Variants in EMILIN2 observed in about 807,000 individuals in gnomAD.
The protein encoded by EMILIN2 is EMILIN-2.
EMILIN2 carries 71 observed loss-of-function variants against 87.1 expected under a neutral mutation model. That is an observed-to-expected ratio of 0.82 (90% confidence interval 0.67 to 0.99). The LOEUF is 0.99. EMILIN2 is among the 50% of genes least tolerant of loss of function. The pLI, the probability that EMILIN2 is intolerant of heterozygous loss-of-function variation, is 0.00. For missense variants in EMILIN2, 1,407 were observed against 1,371.8 expected (o/e 1.03, Z -0.40); for synonymous variants, 581 against 563.4 (o/e 1.03, Z -0.44).
Position 2,891,518 on chromosome 18 carries a change from C to T in EMILIN2, c.1391C>T (p.Ala464Val). 1 of 1,614,180 alleles carries T rather than the reference C, an allele frequency of 6.2e-7. No individual in the cohort carries two copies. Among genetic ancestry groups the T allele is most frequent in the South Asian group, 1.1e-5 (1 of 91,086 alleles). ...DARINVTEKN[A>V]EEHCFYIEET... ...AGGATCAATGTGACGGAGAAGAACG[C>T]TGAAGAACATTGCTTTTACATTGAG... The change falls in exon 4 of 8, where the codon GCT becomes GTT. Residue 464 changes from alanine to valine, a missense_variant. Transcript: ENST00000254528. The surrounding 1 kb of genome is among the most constrained non-coding windows in gnomAD (Gnocchi z 4.6).
In EMILIN2 at chr18:2,847,952, G is replaced by C; in HGVS notation, c.257+21G>C. 1 of 1,597,742 alleles carries C rather than the reference G, an allele frequency of 6.3e-7. No homozygotes were observed. The highest frequency in any genetic ancestry group is 8.5e-7 in the Non-Finnish European group (1 of 1,175,012). On this transcript the variant is annotated intron_variant, in intron 2 of 7. Coordinates refer to ENST00000254528, the MANE Select transcript of EMILIN2 (RefSeq NM_032048.3). This position sits in a 1 kb window ranked among gnomAD's most constrained non-coding sequence, Gnocchi z 4.5. ...CTGGTGTAAGTCCTGGAGCCGGGGA[G>C]CGGGCGGGGCGCGCCCGGGCCGGGG...
chr18:2,901,749 C>G (rs571537824), intron 4 of EMILIN2, among the ~76,000 whole-genome samples: 7 of 152,374 alleles, frequency 4.6e-5, no homozygotes, highest in Admixed American at 2.0e-4. Context: ...GGAGAGGTCT[C>G]TTTCCAGAAT....
rs2076840403 is a variant in EMILIN2 at position 2,892,019 on chromosome 18, A to AT, written c.1894dup (p.Cys632LeufsTer2). On this transcript the variant is annotated frameshift_variant, in exon 4 of 8. Transcript: ENST00000254528. LOFTEE classifies it high-confidence loss of function. ...ACTCATCTTCAAAAGGAAATGAGCA[A>AT]TTGTAGAGCAGGTGAAAACGCTGGC... is the stretch of plus-strand genomic sequence containing the variant. 1 of 1,614,242 alleles carries AT rather than the reference A, an allele frequency of 6.2e-7. No homozygotes were observed. The highest frequency in any genetic ancestry group is 8.5e-7 in the Non-Finnish European group (1 of 1,180,044).
chr18:2,881,886 A>AG (rs756825472), intron 2 of EMILIN2, among the ~76,000 whole-genome samples: 1 of 152,232 alleles, frequency 6.6e-6, no homozygotes, highest in Non-Finnish European at 1.5e-5. Context: ...GTGGGGACCG[A>AG]GGGCTGGTGT....
intron 4 of EMILIN2, chr18:2,906,143 C>G (rs1450073186): frequency 6.6e-6 from 1 of 152,182 alleles, no homozygotes; most frequent in African/African-American, 2.4e-5. Context: ...GGAGGGGCTT[C>G]CTGGAGGGCT....
At chr18:2,900,126 T>C (rs879465167) in intron 4 of EMILIN2, among the ~76,000 whole-genome samples, 19 of 13,856 alleles carry the variant, frequency 1.4e-3, no homozygotes, top group Non-Finnish European at 5.4e-3. Context: ...TCTTATAAGC[T>C]TGAGGGTTTT....
chr18:2,853,677 G>A (rs999956251), intron 2 of EMILIN2, among the ~76,000 whole-genome samples: 2 of 152,178 alleles, frequency 1.3e-5, no homozygotes, highest in Non-Finnish European at 2.9e-5. Flanking sequence ...TTCAAACCCA[G>A]GCCTGTTATT....
intron 3 of EMILIN2, among the ~76,000 whole-genome samples, chr18:2,888,077 C>G (rs1228408630): frequency 6.6e-6 from 1 of 152,234 alleles, no homozygotes; most frequent in Non-Finnish European, 1.5e-5. Context: ...ACACCATCCT[C>G]TACTGTTGGT....
At chr18:2,912,918 A>G (rs550601947) in intron 7 of EMILIN2, 149 bp from the exon 8 acceptor site, 4 of 792,086 alleles carry the variant, frequency 5.0e-6, no homozygotes, top group Non-Finnish European at 7.9e-6. Flanking sequence ...ATGAGCATAA[A>G]AAGCAGCTGA....
chr18:2,855,571 C>G (rs1001040642), intron 2 of EMILIN2, among the ~76,000 whole-genome samples: 1 of 152,148 alleles, frequency 6.6e-6, no homozygotes, highest in Admixed American at 6.5e-5. Flanking sequence ...GAGTTAAAAT[C>G]CTGAGGTAGC....
At chr18:2,905,925 G>T (rs1442014612) in intron 4 of EMILIN2, among the ~76,000 whole-genome samples, 1 of 152,038 alleles carries the variant, frequency 6.6e-6, no homozygotes, top group Non-Finnish European at 1.5e-5. Flanking sequence ...CGCCCGGCCC[G>T]CTTAGGGAGT....
chr18:2,857,435 C>T (rs556324860), intron 2 of EMILIN2, among the ~76,000 whole-genome samples: 2 of 152,270 alleles, frequency 1.3e-5, no homozygotes, highest in East Asian at 3.9e-4. Flanking sequence ...CCTACATCTG[C>T]TTGACAGGGA....
Position 2,868,527 on chromosome 18 carries a change from G to C in EMILIN2, c.258-16437G>C, listed in dbSNP as rs533430508. Among the ~76,000 whole-genome samples the C allele has an allele frequency of 9.6e-4, 146 of 152,376 alleles. No individual in the cohort carries two copies. In the Middle Eastern group the frequency reaches 0.017, roughly 18 times the overall value. On this transcript the variant is annotated intron_variant, in intron 2 of 7. Coordinates refer to ENST00000254528, the MANE Select transcript of EMILIN2 (RefSeq NM_032048.3). ...CACCATTGAGCACTGAGTGAACGAGGCTCCCTCTGCAATCCCGGCACCTCG... is the reference window on the plus strand; with the variant it reads ...CACCATTGAGCACTGAGTGAACGAGCCTCCCTCTGCAATCCCGGCACCTCG...
rs1177287665 is a variant in EMILIN2, at chr18:2,890,631, G to A, written c.504G>A (p.Trp168Ter). Reference protein sequence around the residue: ...LSPTGTAQPSWGVDPKEGPQE... With the variant: ...LSPTGTAQPS ...CAACTGGTACAGCACAACCAAGCTG[G>A]GGGGTAGATCCAAAAGAGGGGCCTC... Residue 168 changes from tryptophan (W) to a stop codon, truncating the protein, a stop_gained, in exon 4 of 8, where the codon TGG (tryptophan) becomes TGA (stop). Coordinates refer to ENST00000254528, the MANE Select transcript of EMILIN2 (RefSeq NM_032048.3). LOFTEE classifies it high-confidence loss of function. This position sits in a 1 kb window ranked among gnomAD's most constrained non-coding sequence, Gnocchi z 4.7. 1.9e-6 allele frequency: 3 copies of A among 1,613,694 alleles called. No individual in the cohort carries two copies. The highest frequency in any genetic ancestry group is 8.5e-7 in the Non-Finnish European group (1 of 1,179,628).
intron 4 of EMILIN2, among the ~76,000 whole-genome samples, chr18:2,904,772 T>C (rs1176002868): frequency 6.6e-6 from 1 of 152,198 alleles, no homozygotes; most frequent in African/African-American, 2.4e-5. Context: ...GCGGCTTTCC[T>C]CATATGTCAG....
Position 2,913,382 on chromosome 18 carries a change from A to ATCCTT in EMILIN2, c.3149_3153dup (p.His1052PhefsTer15). 1 of 1,604,616 alleles carries ATCCTT rather than the reference A, an allele frequency of 6.2e-7. No individual in the cohort carries two copies. The highest frequency in any genetic ancestry group is 1.1e-5 in the South Asian group (1 of 89,570). ...TCCACATTTAGTGGGGTTTTCTTAT[A>ATCCTT]TCCTTTCCTTTCCCACCTCTAAGGT... On this transcript the variant is annotated frameshift_variant, in exon 8 of 8. Transcript: ENST00000254528. LOFTEE classifies it high-confidence loss of function.
Position 2,892,230 on chromosome 18 carries a change from G to T in EMILIN2, c.2103G>T (p.Met701Ile), listed in dbSNP as rs1258173236. The change falls in exon 4 of 8, where the codon ATG becomes ATT. Residue 701 changes from methionine (M) to isoleucine (I), a missense_variant. Coordinates refer to ENST00000254528, the MANE Select transcript of EMILIN2 (RefSeq NM_032048.3). ...AGGGGGTCCAGAGGGAGGTCTCCAT[G>T]GTGGAGGGCAGGGTGTCTCATATGG... ...CTQGVQREVS[M>I]VEGRVSHMEK... 2 of 1,611,438 alleles carry T rather than the reference G, an allele frequency of 1.2e-6. No individual in the cohort carries two copies. The highest frequency in any genetic ancestry group is 4.5e-5 in the East Asian group (2 of 44,824).
At chr18:2,874,244 A>C (rs898767528) in intron 2 of EMILIN2, among the ~76,000 whole-genome samples, 1 of 151,988 alleles carries the variant, frequency 6.6e-6, no homozygotes, top group Non-Finnish European at 1.5e-5. Context: ...TTTAAGAGAC[A>C]GTGTCTCATT....
intron 2 of EMILIN2, among the ~76,000 whole-genome samples, chr18:2,851,764 G>A (rs2076602842): frequency 6.6e-6 from 1 of 152,190 alleles, no homozygotes; most frequent in Admixed American, 6.5e-5. Context: ...ATATAAGTGG[G>A]CATTTTAAGT....
Sources: gnomAD v4.1 joint callset for allele counts (sites outside exome capture counted in the v4.1 genomes callset) on GRCh38, gnomAD v4.1.1 for gene constraint, Gnocchi (gnomAD v3.1) non-coding constraint, MANE v1.5 for transcripts, NCBI Gene and HGNC (gene_info 2026-07-23, HGNC 2026-07-21) for gene names.